GRM1: variants seen among roughly 807,000 people sequenced by gnomAD.
GRM1 encodes the protein glutamate metabotropic receptor 1, also known as metabotropic glutamate receptor 1.
Under a neutral mutation model 90.9 loss-of-function variants are expected in GRM1, and 33 were observed. That is an observed-to-expected ratio of 0.36 (90% CI 0.28 to 0.49). GRM1 has a LOEUF of 0.49. GRM1 is among the 20% of genes least tolerant of loss of function. The probability of loss-of-function intolerance (pLI) is 0.99; values close to 1 mark genes in which losing one functional copy is unlikely to be tolerated. For missense variants in GRM1, 1,190 were observed against 1,534.3 expected (o/e 0.78, Z 3.75); for synonymous variants, 700 against 613.2 (o/e 1.14, Z -2.09).
At chr6:146,309,573 TTGA>T (rs1434440006) in intron 3 of GRM1, among the ~76,000 whole-genome samples, 1 of 152,148 alleles carries the variant, frequency 6.6e-6, no homozygotes, top group Non-Finnish European at 1.5e-5. Flanking sequence ...TTACATAGTT[TTGA>T]TGTTGCTTCA....
intron 3 of GRM1, among the ~76,000 whole-genome samples, chr6:146,318,143 C>G (rs1583316931): frequency 6.6e-6 from 1 of 152,154 alleles, no homozygotes; most frequent in East Asian, 1.9e-4. Flanking sequence ...AATGCTATCA[C>G]TCCCCTAGCC....
chr6:146,262,263 TC>T (rs1322423179), intron 2 of GRM1, among the ~76,000 whole-genome samples: 1 of 152,028 alleles, frequency 6.6e-6, no homozygotes, highest in East Asian at 1.9e-4. Context: ...ATATTTAAAA[TC>T]TTATGTAGAA....
intron 2 of GRM1, among the ~76,000 whole-genome samples, chr6:146,224,416 A>C (rs1780170656): frequency 1.3e-5 from 2 of 152,170 alleles, no homozygotes; most frequent in African/African-American, 2.4e-5. Context: ...TCCTAACAAC[A>C]GAAGGGGCTT....
At chr6:146,190,963 C>T (rs1047761518) in intron 2 of GRM1, among the ~76,000 whole-genome samples, 3 of 152,156 alleles carry the variant, frequency 2.0e-5, no homozygotes, top group Admixed American at 2.0e-4. Flanking sequence ...GTATTCATAG[C>T]TCCTTAAGAT....
intron 1 of GRM1, among the ~76,000 whole-genome samples, chr6:146,124,058 T>C (rs368376797): frequency 3.3e-4 from 50 of 152,346 alleles, no homozygotes; most frequent in African/African-American, 1.1e-3. Flanking sequence ...AATAACAGTT[T>C]CAGAAATATT....
In GRM1 at chr6:146,433,957, C is replaced by A; in HGVS notation, c.2746C>A (p.His916Asn). The change falls in exon 8 of 8, where the codon CAC becomes AAC. Residue 916 changes from histidine (H) to asparagine (N), a missense_variant. By Grantham distance (68) the His-to-Asn change is moderately conservative. Around this residue, in one of 10 missense-constraint regions of GRM1, gnomAD observed 400 missense variants for 360.8 expected, o/e 1.11. Transcript: ENST00000282753. ...GCATATGTGGCACCGCCTCTCTGTG[C>A]ACGTGAAGACCAATGAGACGGCCTG... ...GQHMWHRLSV[H>N]VKTNETACNQ... 1.2e-6 allele frequency: 2 copies of A among 1,613,830 alleles called. No individual in the cohort carries two copies. The highest frequency in any genetic ancestry group is 1.7e-6 in the Non-Finnish European group (2 of 1,179,706).
chr6:146,170,462 A>C (rs1778075978), intron 2 of GRM1, among the ~76,000 whole-genome samples: 2 of 151,248 alleles, frequency 1.3e-5, no homozygotes, highest in African/African-American at 4.9e-5. Flanking sequence ...TTTTGTTTTT[A>C]TTGTTGTTCT....
At chr6:146,043,930 C>T (rs1294040603) in intron 1 of GRM1, among the ~76,000 whole-genome samples, 2 of 151,274 alleles carry the variant, frequency 1.3e-5, no homozygotes, top group African/African-American at 4.9e-5. Flanking sequence ...AGGTATCTTA[C>T]ACTCATAGTT....
chr6:146,322,829 C>G (rs911718152), intron 3 of GRM1, among the ~76,000 whole-genome samples: 16 of 152,088 alleles, frequency 1.1e-4, no homozygotes, highest in Admixed American at 2.6e-4. Flanking sequence ...GTTCAATTCC[C>G]ACCTATGAGT....
At chr6:146,422,439 G>T (rs969659920) in intron 7 of GRM1, among the ~76,000 whole-genome samples, 2 of 152,194 alleles carry the variant, frequency 1.3e-5, no homozygotes, top group African/African-American at 4.8e-5. Context: ...TCTTTTGTCT[G>T]TGTCTTTATT....
chr6:146,077,694 G>A (rs771985931), intron 1 of GRM1, among the ~76,000 whole-genome samples: 2 of 152,166 alleles, frequency 1.3e-5, no homozygotes, highest in Non-Finnish European at 2.9e-5. Context: ...TTATTACCAG[G>A]CAATTCAGAA....
At chr6:146,237,441 ATTATTTGTAAAATATTTTTACAAATAG>A (rs6149841) in intron 2 of GRM1, among the ~76,000 whole-genome samples, 3,017 of 142,250 alleles carry the variant, frequency 0.021, 64 homozygotes, top group African/African-American at 0.056. Flanking sequence ...TCAAATATAA[ATTATTTGTAAAATATTTTTACAAATAG>A]TTATTTGTAA....
intron 1 of GRM1, among the ~76,000 whole-genome samples, chr6:146,057,084 G>A (rs1775507822): frequency 6.6e-6 from 1 of 152,086 alleles, no homozygotes; most frequent in South Asian, 2.1e-4. Flanking sequence ...GTTCAATTCA[G>A]TACAAAAATC....
intron 2 of GRM1, among the ~76,000 whole-genome samples, chr6:146,245,129 G>A (rs554734039): frequency 6.6e-6 from 1 of 152,106 alleles, no homozygotes; most frequent in Non-Finnish European, 1.5e-5. Flanking sequence ...CTCCCAATGG[G>A]AGCAAGCAAA....
intron 1 of GRM1, among the ~76,000 whole-genome samples, chr6:146,091,711 G>A (rs1265746374): frequency 1.3e-5 from 2 of 152,056 alleles, no homozygotes; most frequent in African/African-American, 4.8e-5. Context: ...GCTTTTAAAT[G>A]TAGATATGGG....
chr6:146,323,143 C>T (rs575463626), intron 3 of GRM1, among the ~76,000 whole-genome samples: 9 of 152,188 alleles, frequency 5.9e-5, no homozygotes, highest in South Asian at 2.1e-4. Context: ...GGTCAAATGG[C>T]GTTTCCAGTT....
At chr6:146,205,503 T>A (rs1033244995) in intron 2 of GRM1, among the ~76,000 whole-genome samples, 1 of 152,118 alleles carries the variant, frequency 6.6e-6, no homozygotes, top group Non-Finnish European at 1.5e-5. Flanking sequence ...AATAACATGG[T>A]GAACATTTCA....
intron 1 of GRM1, among the ~76,000 whole-genome samples, chr6:146,082,686 G>A (rs529361907): frequency 1.3e-5 from 2 of 151,948 alleles, no homozygotes; most frequent in Admixed American, 6.5e-5. Context: ...ATTTTTTACC[G>A]AATTGCTCCA....
intron 1 of GRM1, among the ~76,000 whole-genome samples, chr6:146,056,318 T>C (rs1474804259): frequency 6.6e-6 from 1 of 152,086 alleles, no homozygotes; most frequent in African/African-American, 2.4e-5. Flanking sequence ...CAGCCAACTG[T>C]GGTCATGGGA....
Sources: gnomAD v4.1 joint callset for allele counts (sites outside exome capture counted in the v4.1 genomes callset) on GRCh38, gnomAD v4.1.1 for gene constraint, gnomAD v4.1.1 regional missense constraint, MANE v1.5 for transcripts, NCBI Gene and HGNC (gene_info 2026-07-23, HGNC 2026-07-21) for gene names.